Variants in SORL1 observed in about 807,000 individuals in gnomAD.
SORL1 encodes sortilin related receptor 1.
SORL1 carries 127 observed loss-of-function variants against 273.7 expected under a neutral mutation model. The ratio of observed to expected loss-of-function variants is 0.46; its 90% CI spans 0.40 to 0.54. The LOEUF (loss-of-function observed/expected upper bound fraction) is 0.54, where lower values mean the gene tolerates loss of function less well. SORL1 is among the 20% of genes least tolerant of loss of function. SORL1 has a pLI of 0.00. For synonymous variants in SORL1, 1,031 were observed against 1,067.4 expected (o/e 0.97, Z 0.66); for missense variants, 2,494 against 2,846.1 (o/e 0.88, Z 2.81).
At chr11:121,612,999 T>C (rs967445650) in intron 40 of SORL1, among the ~76,000 whole-genome samples, 167 bp downstream of exon 40, 2 of 152,210 alleles carry the variant, frequency 1.3e-5, no homozygotes, top group Non-Finnish European at 2.9e-5. Flanking sequence ...AGTGTGCTGC[T>C]GATTCTAGGC....
At chr11:121,597,818 G>C (rs991340613) in intron 32 of SORL1, among the ~76,000 whole-genome samples, 1 of 152,182 alleles carries the variant, frequency 6.6e-6, no homozygotes, top group Non-Finnish European at 1.5e-5. Context: ...CTACAGTGTG[G>C]TGTAGGCAGT....
At chr11:121,568,030 A>G (rs1862778575) in intron 22 of SORL1, among the ~76,000 whole-genome samples, 1 of 152,154 alleles carries the variant, frequency 6.6e-6, no homozygotes, top group Non-Finnish European at 1.5e-5. Flanking sequence ...CTTCCCATGA[A>G]GCTAGGACTA....
In SORL1 at chr11:121,512,993, T is replaced by C; in HGVS notation, c.940-10T>C. On this transcript the variant is annotated splice_polypyrimidine_tract_variant and intron_variant, in intron 6 of 47. Transcript: ENST00000260197. ...CACCATTAATTTTTTTTTCTCCTCT[T>C]CCTTGGCAGCATCTCTTGGGCAGTG... is the stretch of plus-strand genomic sequence containing the variant. 6.2e-7 allele frequency: 1 copy of C among 1,608,648 alleles called. No individual in the cohort carries two copies. The highest frequency in any genetic ancestry group is 2.2e-5 in the East Asian group (1 of 44,854).
chr11:121,527,917 C>T, intron 11 of SORL1, among the ~76,000 whole-genome samples: 1 of 151,860 alleles, frequency 6.6e-6, no homozygotes, highest in East Asian at 1.9e-4. Flanking sequence ...CTGCTTTTGG[C>T]TCTTGTTGAT....
At chr11:121,495,318 T>C (rs1471783611) in intron 5 of SORL1, among the ~76,000 whole-genome samples, 3 of 152,148 alleles carry the variant, frequency 2.0e-5, no homozygotes, top group Non-Finnish European at 4.4e-5. Context: ...ACTCTTGGGT[T>C]CAAATGGTCC....
chr11:121,522,780 C>T, intron 10 of SORL1, 77 bp downstream of exon 10: 2 of 1,371,042 alleles, frequency 1.5e-6, no homozygotes, highest in Non-Finnish European at 2.1e-6. Flanking sequence ...CGATCACCCA[C>T]ACCTCCAGCA....
rs34608652 is a variant in SORL1 at position 121,540,522 on chromosome 11, C to CAAAAAAAAAAAAAAA, written c.1686-3012_1686-3011insAAAAAAAAAAAAAAA. Among the ~76,000 whole-genome samples, 122 of 103,622 alleles carry CAAAAAAAAAAAAAAA rather than the reference C, an allele frequency of 1.2e-3. 2 individuals are homozygous for CAAAAAAAAAAAAAAA. The highest frequency in any genetic ancestry group is 3.6e-3 in the East Asian group (13 of 3,652). 68.0% of individuals were successfully genotyped at this position (103,622 alleles called of 152,430 possible). On this transcript the variant is annotated intron_variant, in intron 12 of 47. Transcript: ENST00000260197. ...TGAAATCCTATCTCTACTAAAAATA[C>CAAAAAAAAAAAAAAA]AAAAAAAAAAAAAAGAATGCAAAGA...
intron 47 of SORL1, chr11:121,628,687 T>C (rs577957474): frequency 2.8e-4 from 43 of 152,326 alleles, no homozygotes; most frequent in African/African-American, 9.6e-4. Flanking sequence ...GATAGTAAGA[T>C]AGTAATATAA....
At chr11:121,572,859 G>A (rs1217911582) in intron 23 of SORL1, among the ~76,000 whole-genome samples, 2 of 152,114 alleles carry the variant, frequency 1.3e-5, no homozygotes, top group Non-Finnish European at 1.5e-5. Context: ...CTCCCACCAC[G>A]AGCTCAATTA....
chr11:121,611,350 C>T (rs909499606), intron 39 of SORL1, 192 bp downstream of exon 39: 6 of 491,298 alleles, frequency 1.2e-5, no homozygotes, highest in Non-Finnish European at 2.2e-5. Flanking sequence ...TGAGTCTTCA[C>T]ATGTAATTAT....
At chr11:121,513,915 G>A (rs1188593064) in intron 7 of SORL1, among the ~76,000 whole-genome samples, 3 of 152,196 alleles carry the variant, frequency 2.0e-5, no homozygotes, top group African/African-American at 4.8e-5. Flanking sequence ...CAGTGCAGTG[G>A]CCCATTATTT....
Position 121,595,903 on chromosome 11 carries a change from A to C in SORL1, c.4519+131A>C. ...TGTGTACTTGCGTAACCATGCTCTT[A>C]CTGCATTCTCCACAAGCGCTTTGCC... On this transcript the variant is annotated intron_variant, in intron 32 of 47. Transcript: ENST00000260197. This position sits in a 1 kb window ranked among gnomAD's most constrained non-coding sequence, Gnocchi z 5.1. The C allele has an allele frequency of 1.0e-6, 1 of 972,202 alleles. No individual in the cohort carries two copies. Among genetic ancestry groups the C allele is most frequent in the Non-Finnish European group, 1.5e-6 (1 of 680,254 alleles). 60.2% of individuals were successfully genotyped at this position (972,202 alleles called of 1,614,324 possible). A position where few individuals can be genotyped will look rare whatever the true frequency, so the allele number is the denominator to read the frequency against.
intron 6 of SORL1, among the ~76,000 whole-genome samples, chr11:121,499,136 AAGT>A (rs1206539022): frequency 6.6e-6 from 1 of 152,194 alleles, no homozygotes. Flanking sequence ...CTAATTTAAA[AAGT>A]AGTCAATTTT....
intron 6 of SORL1, among the ~76,000 whole-genome samples, chr11:121,509,807 C>T (rs140184087): frequency 1.5e-3 from 233 of 151,952 alleles, no homozygotes; most frequent in African/African-American, 5.2e-3. Flanking sequence ...AATGAAAACA[C>T]AAAATTAAAA....
chr11:121,609,994 G>C (rs950922215), intron 38 of SORL1: 1 of 152,246 alleles, frequency 6.6e-6, no homozygotes, highest in African/African-American at 2.4e-5. Context: ...TTTGCTCTGT[G>C]TTGGCCGCCT....
chr11:121,470,911 A>T (rs976156713), intron 2 of SORL1, among the ~76,000 whole-genome samples: 2 of 152,110 alleles, frequency 1.3e-5, no homozygotes, highest in East Asian at 3.9e-4. Flanking sequence ...CTGGTCTCGA[A>T]CCCCTGGGCT....
intron 13 of SORL1, 127 bp downstream of exon 13, chr11:121,543,853 A>G: frequency 1.3e-6 from 1 of 796,946 alleles, no homozygotes; most frequent in Non-Finnish European, 1.9e-6. Context: ...TGGGCCCATA[A>G]GAGTTAGCAA....
rs1244601304 is a variant in SORL1, at chr11:121,633,072, G to T, written c.*3509G>T. ...GCTGCCTTTCAGGTACAATTTTTGT[G>T]TAATAAAAGCCAGTGCATTAAGTTT... On this transcript the variant is annotated 3_prime_UTR_variant, in exon 48 of 48. Coordinates refer to ENST00000260197, the MANE Select transcript of SORL1 (RefSeq NM_003105.6). 1 of 152,164 alleles carries T rather than the reference G, an allele frequency of 6.6e-6. No homozygotes were observed. Among genetic ancestry groups the T allele is most frequent in the Non-Finnish European group, 1.5e-5 (1 of 68,024 alleles). The allele number at this position is 152,164 out of a possible 1,614,324, so 9.4% of individuals were successfully genotyped here. A position where few individuals can be genotyped will look rare whatever the true frequency, so the allele number is the denominator to read the frequency against.
chr11:121,626,666 G>A (rs1863799503), intron 46 of SORL1: 1 of 152,258 alleles, frequency 6.6e-6, no homozygotes, highest in Non-Finnish European at 1.5e-5. Flanking sequence ...GCAACCCTGA[G>A]CCTGTTGAGG....
Sources: gnomAD v4.1 joint callset for allele counts (sites outside exome capture counted in the v4.1 genomes callset) on GRCh38, gnomAD v4.1.1 for gene constraint, Gnocchi (gnomAD v3.1) non-coding constraint, MANE v1.5 for transcripts, NCBI Gene and HGNC (gene_info 2026-07-23, HGNC 2026-07-21) for gene names.